Variants in LAMC1 observed in about 807,000 individuals in gnomAD.
The protein encoded by LAMC1 is laminin subunit gamma 1.
Under a neutral mutation model 173.6 loss-of-function variants are expected in LAMC1, and 38 were observed. The ratio of observed to expected loss-of-function variants is 0.22; its 90% CI spans 0.17 to 0.29. The LOEUF (loss-of-function observed/expected upper bound fraction) is 0.29, where lower values mean the gene tolerates loss of function less well. Among genes scored for constraint, LAMC1 ranks in the 10% least tolerant of loss-of-function variants. The pLI is 1.00. For synonymous variants in LAMC1, 746 were observed against 749.1 expected, an observed-to-expected ratio of 1.00 and a Z score of 0.07; for missense variants, 1,824 against 2,051.8, an observed-to-expected ratio of 0.89 and a Z score of 2.14.
At chr1:183,077,138 C>CA (rs1655136910) in intron 1 of LAMC1, among the ~76,000 whole-genome samples, 1 of 152,168 alleles carries the variant, frequency 6.6e-6, no homozygotes, top group Non-Finnish European at 1.5e-5. Flanking sequence ...AAAAGGAAAA[C>CA]AATCTCAAAC....
chr1:183,140,245 C>CACAAAAAAAAAAAAA (rs1657070116), intron 26 of LAMC1, among the ~76,000 whole-genome samples, 159 bp from the exon 27 acceptor site: 1 of 52,936 alleles, frequency 1.9e-5, no homozygotes, highest in Non-Finnish European at 3.4e-5. Flanking sequence ...GCAGCCCCAC[C>CACAAAAAAAAAAAAA]AAAAAAAAAA....
chr1:183,095,498 T>C (rs776555237), intron 1 of LAMC1, among the ~76,000 whole-genome samples: 7 of 152,240 alleles, frequency 4.6e-5, no homozygotes, highest in Non-Finnish European at 1.0e-4. Flanking sequence ...TGGGCTTATG[T>C]AGCTTATATT....
At chr1:183,036,160 G>A (rs1324932825) in intron 1 of LAMC1, among the ~76,000 whole-genome samples, 1 of 148,418 alleles carries the variant, frequency 6.7e-6, no homozygotes, top group African/African-American at 2.5e-5. Context: ...GTACAATGGC[G>A]CAATCTTGGC....
intron 1 of LAMC1, among the ~76,000 whole-genome samples, chr1:183,078,154 A>G (rs1384074417): frequency 6.6e-6 from 1 of 152,140 alleles, no homozygotes; most frequent in African/African-American, 2.4e-5. Context: ...TGGAGATAAG[A>G]TGTTAACTGG....
At chr1:183,080,545 T>G (rs1655244736) in intron 1 of LAMC1, among the ~76,000 whole-genome samples, 1 of 152,184 alleles carries the variant, frequency 6.6e-6, no homozygotes, top group South Asian at 2.1e-4. Context: ...TTCCCTCAGC[T>G]GCAGCCTTGG....
rs200551161 is a variant in LAMC1 at position 183,103,509 on chromosome 1, G to T, written c.600G>T (p.Glu200Asp). The T allele has an allele frequency of 3.1e-6, 5 of 1,614,102 alleles. No individual in the cohort carries two copies. Among genetic ancestry groups the T allele is most frequent in the Non-Finnish European group, 4.2e-6 (5 of 1,180,038 alleles). The stretch of plus-strand genomic sequence containing the variant: ...GCTTCATCAGGACAGGAGGGGACGA[G>T]CAGCAGGCCTTGTGTACTGATGAAT... ...NRGFIRTGGDEQQALCTDEFS... is the reference protein window; with the variant it reads ...NRGFIRTGGDDQQALCTDEFS... Residue 200 changes from glutamate (E) to aspartate (D), a missense_variant, in exon 2 of 28, where the codon GAG (glutamate) becomes GAT (aspartate). Transcript: ENST00000258341.
Position 183,145,421 on chromosome 1 carries a change from C to T in LAMC1, c.*2631C>T, listed in dbSNP as rs1009936109. The T allele has an allele frequency of 3.9e-5, 6 of 152,424 alleles. No homozygotes were observed. Among genetic ancestry groups the T allele is most frequent in the African/African-American group, 1.5e-4 (6 of 41,356 alleles). 9.4% of individuals were successfully genotyped at this position (152,424 alleles called of 1,614,324 possible). A position where few individuals can be genotyped will look rare whatever the true frequency, so the allele number is the denominator to read the frequency against. ...TGCTATTTTTCCCTGAATTTTTTTC[C>T]TTTGAATTCCAACTGTGGACCTTTT... is the stretch of plus-strand genomic sequence containing the variant. On this transcript the variant is annotated 3_prime_UTR_variant, in exon 28 of 28. Coordinates refer to ENST00000258341, the MANE Select transcript of LAMC1 (RefSeq NM_002293.4).
At position 183,128,729 on chromosome 1, in the gene LAMC1, C is replaced by T. The variant is rs769737749; in HGVS notation, c.3259C>T (p.Arg1087Cys). 6.2e-6 allele frequency: 10 copies of T among 1,613,136 alleles called. No homozygotes were observed. Among genetic ancestry groups the T allele is most frequent in the Middle Eastern group, 1.7e-4 (1 of 6,056 alleles). The change falls in exon 18 of 28, where the codon CGT becomes TGT. Residue 1087 changes from arginine to cysteine, a missense_variant. Coordinates refer to ENST00000258341, the MANE Select transcript of LAMC1 (RefSeq NM_002293.4). ...AGAGAGGGAAGTTATGGACCTCCTT[C>T]GTGAGGCCCAGGATGTCAAAGGTAC... is the stretch of plus-strand genomic sequence containing the variant. ...EAEREVMDLLREAQDVKDVDQ... is the reference protein window; with the variant it reads ...EAEREVMDLLCEAQDVKDVDQ...
At chr1:183,094,844 G>GT (rs1655652182) in intron 1 of LAMC1, among the ~76,000 whole-genome samples, 1 of 151,914 alleles carries the variant, frequency 6.6e-6, no homozygotes, top group Non-Finnish European at 1.5e-5. Context: ...GATTGGAGGG[G>GT]TTTTTTTGTT....
chr1:183,137,661 G>T lies in LAMC1; in HGVS notation c.4315-8G>T. On this transcript the variant is annotated splice_polypyrimidine_tract_variant and splice_region_variant and intron_variant, in intron 25 of 27. Transcript: ENST00000258341. ...TTTAAAAAAAGTACAATTTTCTTTT[G>T]TGCCTAGAATGCCACCAGCACCAAG... is the stretch of plus-strand genomic sequence containing the variant. 6.5e-7 allele frequency: 1 copy of T among 1,538,030 alleles called. No homozygotes were observed. Among genetic ancestry groups the T allele is most frequent in the Non-Finnish European group, 8.7e-7 (1 of 1,145,480 alleles).
At chr1:183,087,015 A>T (rs1027128006) in intron 1 of LAMC1, among the ~76,000 whole-genome samples, 1 of 152,216 alleles carries the variant, frequency 6.6e-6, no homozygotes, top group African/African-American at 2.4e-5. Context: ...TCTTTATTTT[A>T]CACTTAAGAA....
At chr1:183,108,710 C>T (rs1382249949) in intron 3 of LAMC1, among the ~76,000 whole-genome samples, 1 of 152,194 alleles carries the variant, frequency 6.6e-6, no homozygotes, top group Non-Finnish European at 1.5e-5. Flanking sequence ...CTGTGAAGCA[C>T]TTGAGGAAGG....
rs564160588 is a variant in LAMC1, at chr1:183,100,176, C to A, written c.419-3152C>A. On this transcript the variant is annotated intron_variant, in intron 1 of 27. Coordinates refer to ENST00000258341, the MANE Select transcript of LAMC1 (RefSeq NM_002293.4). ...CGGCTTCCTACACCTCACTGAGGTC[C>A]ATTCATTTCTCTCCATTCCTCTGTT... is the stretch of plus-strand genomic sequence containing the variant. Among the ~76,000 whole-genome samples, 4 of 152,236 alleles carry A rather than the reference C, an allele frequency of 2.6e-5. No individual in the cohort carries two copies. In the East Asian group the frequency reaches 7.7e-4, roughly 29 times the overall value.
chr1:183,112,046 A>G (rs965867567), intron 4 of LAMC1, among the ~76,000 whole-genome samples: 2 of 152,188 alleles, frequency 1.3e-5, no homozygotes, highest in African/African-American at 4.8e-5. Flanking sequence ...CTCAAAAAAC[A>G]AAAACAAACA....
intron 1 of LAMC1, among the ~76,000 whole-genome samples, chr1:183,052,881 A>G (rs1184972154): frequency 6.6e-6 from 1 of 152,214 alleles, no homozygotes; most frequent in Non-Finnish European, 1.5e-5. Context: ...CCCTTACTGA[A>G]AAAAGCTACA....
chr1:183,107,566 C>T, intron 2 of LAMC1, among the ~76,000 whole-genome samples: 1 of 152,106 alleles, frequency 6.6e-6, no homozygotes, highest in East Asian at 1.9e-4. Flanking sequence ...CGTGGTGGCT[C>T]ACGCCTGTAA....
intron 1 of LAMC1, among the ~76,000 whole-genome samples, chr1:183,059,858 A>G (rs1056982563): frequency 4.6e-5 from 7 of 152,184 alleles, no homozygotes; most frequent in African/African-American, 1.7e-4. Flanking sequence ...TCAGAGTAAG[A>G]AATTTAATTT....
intron 6 of LAMC1, 113 bp from the exon 7 acceptor site, chr1:183,116,464 G>GA (rs1384154735): frequency 2.6e-5 from 17 of 665,876 alleles, no homozygotes; most frequent in Non-Finnish European, 4.0e-5. Flanking sequence ...GCGACAGTGT[G>GA]AGACTCTGTC....
At position 183,118,539 on chromosome 1, in the gene LAMC1, A is replaced by G. The variant is rs138983816; in HGVS notation, c.1990+393A>G. On this transcript the variant is annotated intron_variant, in intron 11 of 27. Coordinates refer to ENST00000258341, the MANE Select transcript of LAMC1 (RefSeq NM_002293.4). The stretch of plus-strand genomic sequence containing the variant: ...GGAGTTTGAGACCAGCCTGGCCAAC[A>G]TGGTGGAACCCCGTCTCTATTAAAA... Among the ~76,000 whole-genome samples, 157 of 152,214 alleles carry G rather than the reference A, an allele frequency of 1.0e-3. 3 individuals carry two copies. The East Asian group carries it at 0.03, about 29-fold the overall frequency.
Sources: allele counts gnomAD v4.1 joint callset (sites outside exome capture counted in the v4.1 genomes callset), GRCh38; gene constraint gnomAD v4.1.1; transcripts MANE v1.5; gene names NCBI Gene and HGNC (gene_info 2026-07-23, HGNC 2026-07-21).